The following PLCB1 variants were observed in gnomAD, a reference collection of about 807,000 sequenced individuals.
The protein encoded by PLCB1 is phospholipase C beta 1, also known as 1-phosphatidylinositol 4,5-bisphosphate phosphodiesterase beta-1.
PLCB1 carries 46 observed loss-of-function variants against 161.8 expected under a neutral mutation model. The observed-to-expected ratio is 0.28, with a 90% CI of 0.22 to 0.36. The LOEUF is 0.36. Ranked by LOEUF, PLCB1 falls within the 10% of genes least tolerant of loss-of-function variation. The probability of loss-of-function intolerance (pLI) is 1.00; values close to 1 mark genes in which losing one functional copy is unlikely to be tolerated. For missense variants in PLCB1, 1,016 were observed against 1,472.5 expected (o/e 0.69, Z 5.07); for synonymous variants, 517 against 503.7 (o/e 1.03, Z -0.35).
At chr20:8,622,777 G>C (rs1177696535) in intron 3 of PLCB1, among the ~76,000 whole-genome samples, 1 of 151,994 alleles carries the variant, frequency 6.6e-6, no homozygotes. Flanking sequence ...GATTGGGTCA[G>C]CTTCTGGGGC....
At chr20:8,587,180 AT>A (rs145979329) in intron 3 of PLCB1, among the ~76,000 whole-genome samples, 27,100 of 143,226 alleles carry the variant, frequency 0.19, 2,388 homozygotes, top group East Asian at 0.26. Context: ...CAATTAAAAA[AT>A]ATATATATAT....
chr20:8,561,197 C>A (rs2123022957), intron 3 of PLCB1, among the ~76,000 whole-genome samples: 1 of 151,966 alleles, frequency 6.6e-6, no homozygotes, highest in Admixed American at 6.6e-5. Context: ...CTTAGAATCT[C>A]CTGTGTGTGG....
intron 2 of PLCB1, among the ~76,000 whole-genome samples, chr20:8,244,854 G>T (rs903286462): frequency 2.6e-4 from 40 of 151,942 alleles, no homozygotes; most frequent in African/African-American, 9.2e-4. Flanking sequence ...CTGGAGAGGA[G>T]ATGATGCAAT....
chr20:8,404,604 G>T (rs916537288), intron 3 of PLCB1, among the ~76,000 whole-genome samples: 7 of 152,152 alleles, frequency 4.6e-5, no homozygotes, highest in Admixed American at 3.3e-4. Context: ...TGAAGTATGG[G>T]ATTGAATGAT....
intron 2 of PLCB1, among the ~76,000 whole-genome samples, chr20:8,348,533 CCT>C (rs1986070507): frequency 6.6e-6 from 1 of 152,076 alleles, no homozygotes; most frequent in South Asian, 2.1e-4. Context: ...TTGGAGCAGC[CCT>C]CTCTATCATG....
At chr20:8,488,003 A>G (rs941515009) in intron 3 of PLCB1, among the ~76,000 whole-genome samples, 2 of 152,158 alleles carry the variant, frequency 1.3e-5, no homozygotes, top group African/African-American at 2.4e-5. Flanking sequence ...TGTCCAGGAT[A>G]AAGTCATTAA....
intron 2 of PLCB1, 43 bp from the exon 3 acceptor site, chr20:8,371,339 G>T (rs961701593): frequency 1.6e-5 from 21 of 1,354,260 alleles, no homozygotes; most frequent in Non-Finnish European, 2.2e-5. Context: ...AAAGAGGAAA[G>T]GTCTGTGTCG....
chr20:8,266,799 G>A (rs1244253081), intron 2 of PLCB1, among the ~76,000 whole-genome samples: 1 of 152,156 alleles, frequency 6.6e-6, no homozygotes. Context: ...AGCATTTTGG[G>A]AGGCCAAGGC....
intron 3 of PLCB1, among the ~76,000 whole-genome samples, chr20:8,481,238 A>C (rs1404265240): frequency 4.6e-5 from 7 of 152,170 alleles, no homozygotes; most frequent in Admixed American, 3.9e-4. Flanking sequence ...GACAAAAAAA[A>C]CTTCAGATAT....
At chr20:8,267,050 G>A (rs1328262830) in intron 2 of PLCB1, among the ~76,000 whole-genome samples, 1 of 149,880 alleles carries the variant, frequency 6.7e-6, no homozygotes. Flanking sequence ...AAAAAAAAAA[G>A]GGAAAAAAAA....
intron 2 of PLCB1, among the ~76,000 whole-genome samples, chr20:8,235,974 T>C (rs73897365): frequency 0.014 from 2,155 of 152,226 alleles, 47 homozygotes; most frequent in African/African-American, 0.048. Flanking sequence ...ACTATATTTC[T>C]GGAAGGAATA....
chr20:8,703,867 T>C (rs1164918902), intron 11 of PLCB1, among the ~76,000 whole-genome samples: 2 of 152,162 alleles, frequency 1.3e-5, no homozygotes, highest in Non-Finnish European at 2.9e-5. Context: ...CAAAGGAAGA[T>C]ACGAGAGAGA....
chr20:8,237,888 C>G (rs1980408723), intron 2 of PLCB1, among the ~76,000 whole-genome samples: 1 of 152,198 alleles, frequency 6.6e-6, no homozygotes, highest in Non-Finnish European at 1.5e-5. Flanking sequence ...AAAATTAATC[C>G]TGCCAACTTC....
At chr20:8,811,094 A>T (rs938894033) in intron 31 of PLCB1, among the ~76,000 whole-genome samples, 1 of 152,230 alleles carries the variant, frequency 6.6e-6, no homozygotes, top group Non-Finnish European at 1.5e-5. Flanking sequence ...AAAGCAGTGC[A>T]TGAGTATGAA....
At chr20:8,144,774 C>T (rs892728454) in intron 1 of PLCB1, among the ~76,000 whole-genome samples, 1 of 152,142 alleles carries the variant, frequency 6.6e-6, no homozygotes, top group Non-Finnish European at 1.5e-5. Context: ...TGTATTTGGC[C>T]CTGCTGCTTC....
intron 10 of PLCB1, among the ~76,000 whole-genome samples, chr20:8,694,456 CT>C (rs1429081968): frequency 6.6e-6 from 1 of 152,158 alleles, no homozygotes; most frequent in Non-Finnish European, 1.5e-5. Context: ...TCCTTTGCAT[CT>C]CACAAACCCA....
rs373725634 is a variant in PLCB1, at chr20:8,308,531, C to A, written c.178-62851C>A. ...ACTCGGGAGGCTGAGGTAGGAGAAT[C>A]ACTTGAGCCTGGGAGGCAAAGGTTG... On this transcript the variant is annotated intron_variant, in intron 2 of 31. Coordinates refer to ENST00000338037, the MANE Select transcript of PLCB1 (RefSeq NM_015192.4). 1.2e-3 allele frequency among the ~76,000 whole-genome samples: 176 copies of A among 149,306 alleles called. 2 individuals are homozygous for A. In the South Asian group the frequency reaches 0.017, roughly 14 times the overall value.
intron 24 of PLCB1, among the ~76,000 whole-genome samples, chr20:8,759,331 G>A (rs1981896950): frequency 6.6e-6 from 1 of 152,134 alleles, no homozygotes; most frequent in Non-Finnish European, 1.5e-5. Flanking sequence ...TTTCTCCACT[G>A]AAAGTTATTA....
At chr20:8,818,864 C>T (rs1482829403) in intron 31 of PLCB1, among the ~76,000 whole-genome samples, 4 of 151,696 alleles carry the variant, frequency 2.6e-5, no homozygotes, top group African/African-American at 9.7e-5. Flanking sequence ...TCGCTTGAAC[C>T]CAGGAGGCGG....
Sources: gnomAD v4.1 joint callset for allele counts (sites outside exome capture counted in the v4.1 genomes callset) on GRCh38, gnomAD v4.1.1 for gene constraint, MANE v1.5 for transcripts, NCBI Gene and HGNC (gene_info 2026-07-23, HGNC 2026-07-21) for gene names.